The following TRPC4AP variants were observed in gnomAD, a reference collection of about 807,000 sequenced individuals.
TRPC4AP encodes the protein transient receptor potential cation channel subfamily C member 4 associated protein.
TRPC4AP carries 45 observed loss-of-function variants against 99.0 expected under a neutral mutation model. The ratio of observed to expected loss-of-function variants is 0.45; its 90% CI spans 0.36 to 0.58. The LOEUF (loss-of-function observed/expected upper bound fraction) is 0.58. Among genes scored for constraint, TRPC4AP ranks in the 20% least tolerant of loss-of-function variants. The probability of loss-of-function intolerance (pLI) is 0.00; values close to 1 mark genes in which losing one functional copy is unlikely to be tolerated. For missense variants in TRPC4AP, 879 were observed against 985.3 expected, an observed-to-expected ratio of 0.89 and a Z score of 1.44; for synonymous variants, 408 against 385.8, an observed-to-expected ratio of 1.06 and a Z score of -0.67.
chr20:35,006,988 G>A (rs1375333697), intron 14 of TRPC4AP, among the ~76,000 whole-genome samples: 2 of 152,198 alleles, frequency 1.3e-5, no homozygotes, highest in African/African-American at 4.8e-5. Context: ...TGACCCCATG[G>A]TTTGTCTTTG....
rs1200996164 is a variant in TRPC4AP at position 35,008,709 on chromosome 20, C to G, written c.1550G>C (p.Arg517Pro). 1 of 1,613,982 alleles carries G rather than the reference C, an allele frequency of 6.2e-7. No individual in the cohort carries two copies. The highest frequency in any genetic ancestry group is 1.7e-5 in the Admixed American group (1 of 60,000). Residue 517 changes from arginine (R) to proline (P), a missense_variant, in exon 13 of 19, where the codon CGT becomes CCT. This residue lies in a region of TRPC4AP where 603 missense variants were observed against 631.8 expected (regional missense o/e 0.95). Coordinates refer to ENST00000252015, the MANE Select transcript of TRPC4AP (RefSeq NM_015638.3). ...VCDGKRGLLTRLLQVMKKEPA... is the reference protein window; with the variant it reads ...VCDGKRGLLTPLLQVMKKEPA... ...CTCCTTCTTCATGACCTGCAGCAGACGAGTTAATAAGCCCCTCTTCCCATC... is the reference window on the plus strand; with the variant it reads ...CTCCTTCTTCATGACCTGCAGCAGAGGAGTTAATAAGCCCCTCTTCCCATC...
chr20:35,024,254 T>C (rs576691659), intron 8 of TRPC4AP, among the ~76,000 whole-genome samples: 84 of 152,206 alleles, frequency 5.5e-4, no homozygotes, highest in African/African-American at 2.0e-3. Context: ...CCACAATCAA[T>C]TTTAGAATAT....
At chr20:35,070,411 AT>A (rs2145993810) in intron 2 of TRPC4AP, among the ~76,000 whole-genome samples, 1 of 149,268 alleles carries the variant, frequency 6.7e-6, no homozygotes, top group East Asian at 2.0e-4. Flanking sequence ...TTTACAAACC[AT>A]TTCTTTTTTT....
intron 6 of TRPC4AP, among the ~76,000 whole-genome samples, chr20:35,046,354 T>C (rs8122691): frequency 0.057 from 8,631 of 152,246 alleles, 815 homozygotes; most frequent in African/African-American, 0.2. Context: ...TTTTCTCATT[T>C]TGAACCATCC....
intron 13 of TRPC4AP, 28 bp downstream of exon 13, chr20:35,008,636 A>G (rs778358835): frequency 1.2e-6 from 2 of 1,604,846 alleles, no homozygotes; most frequent in South Asian, 2.2e-5. Context: ...GCCCCGCAGA[A>G]TCGGCAGGTA....
intron 8 of TRPC4AP, among the ~76,000 whole-genome samples, chr20:35,022,786 C>T (rs1281987535): frequency 2.0e-5 from 3 of 152,164 alleles, no homozygotes; most frequent in African/African-American, 2.4e-5. Context: ...TTTGGGAGGC[C>T]GAGGCAGGTG....
chr20:35,062,813 T>C (rs1313450119), intron 3 of TRPC4AP, among the ~76,000 whole-genome samples: 1 of 152,236 alleles, frequency 6.6e-6, no homozygotes, highest in Non-Finnish European at 1.5e-5. Context: ...AACTGAATTA[T>C]ATCTTTTAAT....
intron 8 of TRPC4AP, among the ~76,000 whole-genome samples, chr20:35,024,124 C>T (rs1198133522): frequency 8.3e-6 from 1 of 119,994 alleles, no homozygotes; most frequent in Non-Finnish European, 1.8e-5. Flanking sequence ...CGGACATGCA[C>T]ACTCACTTTT....
At chr20:35,066,132 T>C (rs2084138836) in intron 3 of TRPC4AP, among the ~76,000 whole-genome samples, 2 of 151,804 alleles carry the variant, frequency 1.3e-5, no homozygotes, top group African/African-American at 4.8e-5. Context: ...TGAGATGGGG[T>C]CTTGCTCTGT....
In TRPC4AP at chr20:35,024,854, A is replaced by AAAAAAAAAAAAAAAAAACAT. The variant is rs1479270980; in HGVS notation, c.1052-3499_1052-3498insATGTTTTTTTTTTTTTTTTT. 6.4e-4 allele frequency among the ~76,000 whole-genome samples: 57 copies of AAAAAAAAAAAAAAAAAACAT among 89,464 alleles called. 11 individuals carry two copies. The highest frequency in any genetic ancestry group is 1.3e-3 in the South Asian group (4 of 3,058). The allele number at this position is 89,464 out of a possible 152,430, so 58.7% of individuals were successfully genotyped here. A position where few individuals can be genotyped will look rare whatever the true frequency, so the allele number is the denominator to read the frequency against. ...AAAAAAAAAAAAAAAAAAAAAAAAA[A>AAAAAAAAAAAAAAAAAACAT]ATTCTGTTTATTCATTAATCAGGTG... On this transcript the variant is annotated intron_variant, in intron 8 of 18. Coordinates refer to ENST00000252015, the MANE Select transcript of TRPC4AP (RefSeq NM_015638.3).
At position 35,021,279 on chromosome 20, in the gene TRPC4AP, G is replaced by C; in HGVS notation, c.1129C>G (p.Gln377Glu). The C allele has an allele frequency of 6.2e-7, 1 of 1,614,124 alleles. No individual in the cohort carries two copies. Among genetic ancestry groups the C allele is most frequent in the East Asian group, 2.2e-5 (1 of 44,864 alleles). ...PHTSARTQLP[Q>E]SMKIMHEIMY... is the part of the protein sequence containing the mutation. ...ATCTCATGCATAATCTTCATTGACTGGGGCAGCTGGGTTCTGGCTGACGTG... is the reference window on the plus strand; with the variant it reads ...ATCTCATGCATAATCTTCATTGACTCGGGCAGCTGGGTTCTGGCTGACGTG... Residue 377 changes from glutamine to glutamate, a missense_variant, in exon 9 of 19, where the codon CAG becomes GAG. Around this residue, in one of 3 missense-constraint regions of TRPC4AP, gnomAD observed 603 missense variants for 631.8 expected, o/e 0.95. Coordinates refer to ENST00000252015, the MANE Select transcript of TRPC4AP (RefSeq NM_015638.3).
intron 1 of TRPC4AP, among the ~76,000 whole-genome samples, chr20:35,086,835 C>A (rs928928654): frequency 1.3e-5 from 2 of 151,550 alleles, no homozygotes. Flanking sequence ...GAGTTTGAGA[C>A]CAGCCTAGCC....
At chr20:35,043,019 T>C (rs889954898) in intron 7 of TRPC4AP, among the ~76,000 whole-genome samples, 9 of 150,780 alleles carry the variant, frequency 6.0e-5, no homozygotes, top group African/African-American at 1.2e-4. Flanking sequence ...GGTCTTATTC[T>C]CCCCCTGACT....
chr20:35,024,383 C>T (rs1214628461), intron 8 of TRPC4AP, among the ~76,000 whole-genome samples: 1 of 152,186 alleles, frequency 6.6e-6, no homozygotes, highest in African/African-American at 2.4e-5. Context: ...ATTGCCTGTT[C>T]AGGACACTTC....
intron 1 of TRPC4AP, among the ~76,000 whole-genome samples, chr20:35,089,841 G>A (rs996600760): frequency 2.6e-5 from 4 of 151,978 alleles, no homozygotes; most frequent in Non-Finnish European, 5.9e-5. Flanking sequence ...GCGAGACTCC[G>A]TCTAAAAAAT....
intron 2 of TRPC4AP, among the ~76,000 whole-genome samples, chr20:35,072,171 C>G (rs2084335752): frequency 6.6e-6 from 1 of 152,152 alleles, no homozygotes; most frequent in African/African-American, 2.4e-5. Context: ...TTTGTAGATT[C>G]TGGATATTAG....
chr20:35,002,455 C>A lies in TRPC4AP; in HGVS notation c.*691G>T, dbSNP rs1162997537. Reference sequence around the variant, plus strand: ...AGTCTCCATTTAATTGGTTTATTTGCTGTTAATAAATTGGCAACACAAGGA... The same window carrying A: ...AGTCTCCATTTAATTGGTTTATTTGATGTTAATAAATTGGCAACACAAGGA... On this transcript the variant is annotated 3_prime_UTR_variant, in exon 19 of 19. Transcript: ENST00000252015. The A allele has an allele frequency of 1.1e-5, 4 of 377,386 alleles. No homozygotes were observed. The highest frequency in any genetic ancestry group is 1.4e-5 in the Non-Finnish European group (3 of 213,686). The allele number at this position is 377,386 out of a possible 1,614,324, so 23.4% of individuals were successfully genotyped here.
At chr20:35,089,667 G>A (rs1241403268) in intron 1 of TRPC4AP, among the ~76,000 whole-genome samples, 1 of 152,008 alleles carries the variant, frequency 6.6e-6, no homozygotes, top group African/African-American at 2.4e-5. Context: ...TGACCGACAT[G>A]GTGAAACCCC....
At chr20:35,071,837 C>A (rs1461777962) in intron 2 of TRPC4AP, among the ~76,000 whole-genome samples, 3 of 152,298 alleles carry the variant, frequency 2.0e-5, no homozygotes, top group South Asian at 4.1e-4. Flanking sequence ...ATTTCTAGTT[C>A]TAGATCCTTG....
Sources: allele counts gnomAD v4.1 joint callset (sites outside exome capture counted in the v4.1 genomes callset), GRCh38; gene constraint gnomAD v4.1.1; regional missense constraint gnomAD v4.1.1; transcripts MANE v1.5; gene names NCBI Gene and HGNC (gene_info 2026-07-23, HGNC 2026-07-21).